Variants in ARHGAP6 observed in about 807,000 individuals in gnomAD.
The protein encoded by ARHGAP6 is Rho GTPase activating protein 6, also known as rho GTPase-activating protein 6.
In ARHGAP6, 16 loss-of-function variants were observed where a neutral mutation model predicts 55.7. That is an observed-to-expected ratio of 0.29 (90% CI 0.19 to 0.44). ARHGAP6 has a LOEUF of 0.44. Ranked by LOEUF, ARHGAP6 falls within the 20% of genes least tolerant of loss-of-function variation. The pLI is 1.00. For synonymous variants in ARHGAP6, 382 were observed against 360.9 expected, an observed-to-expected ratio of 1.06 and a Z score of -0.66; for missense variants, 698 against 808.9, an observed-to-expected ratio of 0.86 and a Z score of 1.66.
intron 9 of ARHGAP6, among the ~76,000 whole-genome samples, chrX:11,160,520 CAGTT>C (rs756999082): frequency 3.1e-4 from 34 of 110,128 alleles, no homozygotes; most frequent in Middle Eastern, 4.7e-3. Context: ...AAAGAATAAA[CAGTT>C]AGAGTGCAAG....
intron 1 of ARHGAP6, among the ~76,000 whole-genome samples, chrX:11,380,579 C>T (rs1042639994): frequency 5.4e-5 from 6 of 111,993 alleles, no homozygotes; most frequent in Non-Finnish European, 1.1e-4. Context: ...AACACACGTT[C>T]CTGAGCTCCA....
At chrX:11,242,458 T>G (rs1468442583) in intron 2 of ARHGAP6, among the ~76,000 whole-genome samples, 2 of 112,090 alleles carry the variant, frequency 1.8e-5, no homozygotes, top group Non-Finnish European at 3.8e-5. Context: ...GATTTTTTTT[T>G]CAAAGCTTTC....
At chrX:11,457,608 C>T (rs1369810294) in intron 1 of ARHGAP6, among the ~76,000 whole-genome samples, 1 of 111,740 alleles carries the variant, frequency 8.9e-6, no homozygotes. Context: ...AACTGCCTTT[C>T]AATAGAGGTC....
intron 1 of ARHGAP6, among the ~76,000 whole-genome samples, chrX:11,432,471 T>C (rs1162070291): frequency 1.8e-5 from 2 of 112,333 alleles, no homozygotes; most frequent in African/African-American, 6.5e-5. Flanking sequence ...AACCCAGGAA[T>C]ATAATTGCTG....
At chrX:11,228,395 A>G (rs1445879897) in intron 2 of ARHGAP6, among the ~76,000 whole-genome samples, 2 of 106,809 alleles carry the variant, frequency 1.9e-5, no homozygotes, top group Non-Finnish European at 3.9e-5. Flanking sequence ...ATAAATAACC[A>G]GCATCCTTTG....
At chrX:11,435,518 T>C (rs769120269) in intron 1 of ARHGAP6, among the ~76,000 whole-genome samples, 13 of 112,026 alleles carry the variant, frequency 1.2e-4, no homozygotes, top group African/African-American at 3.6e-4. Flanking sequence ...TTTTTAAAAA[T>C]AGATTTTGAG....
chrX:11,484,921 G>T (rs936594447), intron 1 of ARHGAP6, among the ~76,000 whole-genome samples: 3 of 111,689 alleles, frequency 2.7e-5, no homozygotes, highest in African/African-American at 9.8e-5. Flanking sequence ...AGTTAAGTGG[G>T]TGAGCAGGGA....
chrX:11,549,795 C>G (rs947498223), intron 1 of ARHGAP6, among the ~76,000 whole-genome samples: 1 of 112,586 alleles, frequency 8.9e-6, no homozygotes, highest in African/African-American at 3.2e-5. Context: ...TTTGAGAGCA[C>G]TGTTTAGAAA....
chrX:11,521,569 T>A (rs899563204), intron 1 of ARHGAP6, among the ~76,000 whole-genome samples: 4 of 112,019 alleles, frequency 3.6e-5, no homozygotes, highest in African/African-American at 1.3e-4. Context: ...AGCCTTATAG[T>A]GTAGTTTGAA....
chrX:11,524,267 AG>A (rs951892663), intron 1 of ARHGAP6, among the ~76,000 whole-genome samples: 9 of 111,551 alleles, frequency 8.1e-5, no homozygotes, highest in Non-Finnish European at 1.7e-4. Context: ...GGAACATGAG[AG>A]GAAGACGTGT....
chrX:11,509,547 C>CA (rs2050765045), intron 1 of ARHGAP6, among the ~76,000 whole-genome samples: 1 of 111,962 alleles, frequency 8.9e-6, no homozygotes, highest in South Asian at 3.7e-4. Context: ...CCCTCCTAGC[C>CA]TATCAGGTGG....
At chrX:11,572,822 C>T (rs1479339555) in intron 1 of ARHGAP6, among the ~76,000 whole-genome samples, 1 of 111,525 alleles carries the variant, frequency 9.0e-6, no homozygotes, top group African/African-American at 3.3e-5. Flanking sequence ...AAAAGTGTTC[C>T]TATTTCTCCA....
intron 1 of ARHGAP6, among the ~76,000 whole-genome samples, chrX:11,277,713 A>ATTTTT (rs1357284937): frequency 0.019 from 2,084 of 107,844 alleles, 25 homozygotes; most frequent in Middle Eastern, 0.067. Context: ...TTTTTTTTAA[A>ATTTTT]AAAAAATTAG....
chrX:11,416,212 T>C (rs751022427), intron 1 of ARHGAP6, among the ~76,000 whole-genome samples: 2 of 111,720 alleles, frequency 1.8e-5, no homozygotes, highest in South Asian at 7.6e-4. Flanking sequence ...ACATGAGCCT[T>C]TGATCCTTTA....
At chrX:11,459,920 T>TA (rs748206502) in intron 1 of ARHGAP6, among the ~76,000 whole-genome samples, 1,120 of 110,119 alleles carry the variant, frequency 0.01, 8 homozygotes, top group African/African-American at 0.027. Context: ...GAATTAGTGT[T>TA]AAAAAAAAAG....
At chrX:11,202,502 G>A (rs962645106) in intron 2 of ARHGAP6, among the ~76,000 whole-genome samples, 1 of 111,057 alleles carries the variant, frequency 9.0e-6, no homozygotes, top group Non-Finnish European at 1.9e-5. Context: ...AAACAAATAT[G>A]ATATTTGAAA....
intron 1 of ARHGAP6, among the ~76,000 whole-genome samples, chrX:11,496,251 A>C (rs184143617): frequency 9.7e-5 from 11 of 112,869 alleles, no homozygotes; most frequent in Admixed American, 8.4e-4. Flanking sequence ...GAGATAAAAA[A>C]TGTTCTTACT....
chrX:11,194,184 C>A (rs922042472), intron 3 of ARHGAP6, among the ~76,000 whole-genome samples: 1 of 112,403 alleles, frequency 8.9e-6, no homozygotes, highest in South Asian at 3.7e-4. Flanking sequence ...AAGAGCAATG[C>A]TGGCTATTAA....
rs1280811111 is a variant in ARHGAP6, at chrX:11,139,045, C to T, written c.2743G>A (p.Ala915Thr). 2 of 1,207,883 alleles carry T rather than the reference C, an allele frequency of 1.7e-6. No homozygotes were observed. Among genetic ancestry groups the T allele is most frequent in the African/African-American group, 3.5e-5 (2 of 57,944 alleles). Residue 915 changes from alanine (A) to threonine (T), a missense_variant, in exon 13 of 13, where the codon GCC becomes ACC. By Grantham distance (58) the Ala-to-Thr change is moderately conservative. Around this residue, in one of 3 missense-constraint regions of ARHGAP6, gnomAD observed 212 missense variants for 208.7 expected, o/e 1.02. Coordinates refer to ENST00000337414, the MANE Select transcript of ARHGAP6 (RefSeq NM_013427.3). ...ETPTDQGGQA[A>T]EREQQVTQKK... ...TGCGTGACCTGCTGCTCTCGCTCGG[C>T]TGCTTGGCCTCCCTGGTCCGTGGGT...
Sources: gnomAD v4.1 joint callset for allele counts (sites outside exome capture counted in the v4.1 genomes callset) on GRCh38, gnomAD v4.1.1 for gene constraint, gnomAD v4.1.1 regional missense constraint, MANE v1.5 for transcripts, NCBI Gene and HGNC (gene_info 2026-07-23, HGNC 2026-07-21) for gene names.